Variants in SRPK1 observed in about 807,000 individuals in gnomAD.
SRPK1 encodes the protein SRSF protein kinase 1.
A neutral mutation model predicts 89.5 loss-of-function variants in SRPK1; 52 were observed. The ratio of observed to expected loss-of-function variants is 0.58; its 90% CI spans 0.46 to 0.73. The LOEUF is 0.73. Ranked by LOEUF, SRPK1 falls within the 30% of genes least tolerant of loss-of-function variation. The pLI is 0.00. For synonymous variants in SRPK1, 255 were observed against 270.2 expected, an observed-to-expected ratio of 0.94 and a Z score of 0.55; for missense variants, 603 against 780.6, an observed-to-expected ratio of 0.77 and a Z score of 2.71.
At position 35,869,603 on chromosome 6, in the gene SRPK1, G is replaced by A. The variant is rs1769986209; in HGVS notation, c.1290C>T (p.Ser430=). Reference sequence around the variant, plus strand: ...CACTGAATGACTGACCTACAGTTGAGGAAGACTGGCACACCATGGTGTCTG... The same window carrying A: ...CACTGAATGACTGACCTACAGTTGAAGAAGACTGGCACACCATGGTGTCTG... The part of the protein sequence containing the change: ...EVSDTMVCQS[S]STVGQSFSEQ... The change falls in exon 11 of 16, where the codon TCC becomes TCT. Residue 430 remains serine, a synonymous_variant. Coordinates refer to ENST00000373825, the MANE Select transcript of SRPK1 (RefSeq NM_003137.5). 6.2e-7 allele frequency: 1 copy of A among 1,613,958 alleles called. No individual in the cohort carries two copies. The highest frequency in any genetic ancestry group is 8.5e-7 in the Non-Finnish European group (1 of 1,179,878).
In SRPK1 at chr6:35,920,911, G is replaced by A. The variant is rs906294750; in HGVS notation, c.13+133C>T. 194 of 973,424 alleles carry A rather than the reference G, an allele frequency of 2.0e-4. 1 individual carries two copies. In the African/African-American group the frequency reaches 3.2e-3, roughly 16 times the overall value. 60.3% of individuals were successfully genotyped at this position (973,424 alleles called of 1,614,324 possible). ...AGCCCAGAGGCAGGGGGTGTGGGGC[G>A]GCGCCACCTCAGTGGAGGGGCGCCG... On this transcript the variant is annotated intron_variant, in intron 1 of 15. Transcript: ENST00000373825.
rs750753312 is a variant in SRPK1, at chr6:35,886,705, T to C, written c.478+19A>G. 7.0e-6 allele frequency: 10 copies of C among 1,430,792 alleles called. No individual in the cohort carries two copies. Among genetic ancestry groups the C allele is most frequent in the South Asian group, 1.2e-5 (1 of 85,874 alleles). 88.6% of individuals were successfully genotyped at this position (1,430,792 alleles called of 1,614,324 possible). ...GGGATTGGGATGATTTATTCTCAAA[T>C]AGGTTTTTAAAAGGATACGTGTTCC... On this transcript the variant is annotated intron_variant, in intron 6 of 15. Coordinates refer to ENST00000373825, the MANE Select transcript of SRPK1 (RefSeq NM_003137.5).
intron 2 of SRPK1, among the ~76,000 whole-genome samples, chr6:35,909,047 C>G (rs1205545646): frequency 6.6e-6 from 1 of 152,238 alleles, no homozygotes; most frequent in African/African-American, 2.4e-5. Flanking sequence ...AAATGTGGGG[C>G]TGGGGCCCCC....
chr6:35,904,058 C>T (rs1770797881), intron 2 of SRPK1, among the ~76,000 whole-genome samples: 1 of 152,034 alleles, frequency 6.6e-6, no homozygotes, highest in Non-Finnish European at 1.5e-5. Context: ...CCCACCTTGG[C>T]CTCCCAAAGT....
At chr6:35,886,027 T>A (rs968806698) in intron 6 of SRPK1, among the ~76,000 whole-genome samples, 5 of 151,930 alleles carry the variant, frequency 3.3e-5, no homozygotes, top group African/African-American at 1.2e-4. Context: ...GTTCATCCAG[T>A]TTCTTTCTTC....
chr6:35,836,075 GGTCT>G, intron 15 of SRPK1, among the ~76,000 whole-genome samples: 1 of 152,156 alleles, frequency 6.6e-6, no homozygotes, highest in South Asian at 2.1e-4. Flanking sequence ...ACCAGTCTGC[GGTCT>G]GTCAGGTCTG....
At chr6:35,872,536 T>C in intron 8 of SRPK1, 27 bp downstream of exon 8, 1 of 1,552,622 alleles carries the variant, frequency 6.4e-7, no homozygotes, top group Non-Finnish European at 8.7e-7. Context: ...CTTCTAATGA[T>C]AGCGAAGTCC....
chr6:35,882,160 GT>G (rs1264798995), intron 6 of SRPK1, among the ~76,000 whole-genome samples: 2 of 146,232 alleles, frequency 1.4e-5, no homozygotes, highest in African/African-American at 5.0e-5. Flanking sequence ...AGTAGTAGTA[GT>G]AGCAGCAGCA....
chr6:35,847,904 T>C (rs1270088831), intron 13 of SRPK1, among the ~76,000 whole-genome samples: 3 of 151,814 alleles, frequency 2.0e-5, no homozygotes, highest in African/African-American at 7.3e-5. Flanking sequence ...CTCGGCTTAC[T>C]GTAACCTCTG....
rs114692334 is a variant in SRPK1 at position 35,876,334 on chromosome 6, T to C, written c.479-1995A>G. On this transcript the variant is annotated intron_variant, in intron 6 of 15. Transcript: ENST00000373825. ...CTTTGGAAAACTGCTTGGCAAATTC[T>C]TAAATATAAAACCTATGACAGGTCG... is the stretch of plus-strand genomic sequence containing the variant. Among the ~76,000 whole-genome samples, 223 of 152,274 alleles carry C rather than the reference T, an allele frequency of 1.5e-3. 3 individuals carry two copies. The highest frequency in any genetic ancestry group is 5.0e-3 in the African/African-American group (207 of 41,556).
intron 6 of SRPK1, among the ~76,000 whole-genome samples, chr6:35,879,190 C>T (rs947368564): frequency 6.6e-6 from 1 of 152,122 alleles, no homozygotes; most frequent in African/African-American, 2.4e-5. Context: ...TGAGCAAAGA[C>T]CTTTCGTTTA....
intron 13 of SRPK1, among the ~76,000 whole-genome samples, chr6:35,842,870 C>T (rs1312639492): frequency 6.6e-6 from 1 of 152,118 alleles, no homozygotes; most frequent in Non-Finnish European, 1.5e-5. Context: ...CACCCTAAAC[C>T]CTAGCAATTC....
intron 2 of SRPK1, among the ~76,000 whole-genome samples, chr6:35,908,911 G>T (rs961342174): frequency 2.0e-5 from 3 of 152,246 alleles, no homozygotes; most frequent in Non-Finnish European, 2.9e-5. Flanking sequence ...CAGGTGCACA[G>T]AAGTCAATAA....
At chr6:35,846,942 A>C (rs1769439427) in intron 13 of SRPK1, among the ~76,000 whole-genome samples, 3 of 152,226 alleles carry the variant, frequency 2.0e-5, no homozygotes, top group Admixed American at 6.5e-5. Flanking sequence ...GCATGTGACA[A>C]AATTCAGCAT....
intron 14 of SRPK1, chr6:35,838,883 T>C: frequency 3.9e-6 from 5 of 1,269,898 alleles, no homozygotes; most frequent in Non-Finnish European, 5.2e-6. Context: ...GGACTAGCTG[T>C]TTAAAAGTAA....
intron 13 of SRPK1, 85 bp from the exon 14 acceptor site, chr6:35,842,689 G>T: frequency 2.6e-5 from 20 of 769,000 alleles, no homozygotes; most frequent in South Asian, 2.5e-5. Context: ...TCAATATGAA[G>T]TAACTCTTGT....
In SRPK1 at chr6:35,835,459, G is replaced by A. The variant is rs1397145732; in HGVS notation, c.1813C>T (p.Pro605Ser). ...GDLKHITKLK[P>S]WGLFEVLVEK... is the part of the protein sequence containing the mutation. ...ACTAGAACCTCAAAAAGGCCCCAAGGTTTCAGCTTCGTGATATGTTTCAGG... is the reference window on the plus strand; with the variant it reads ...ACTAGAACCTCAAAAAGGCCCCAAGATTTCAGCTTCGTGATATGTTTCAGG... The change falls in exon 16 of 16, where the codon CCT becomes TCT. Residue 605 changes from proline (P) to serine (S), a missense_variant. Transcript: ENST00000373825. 1 of 1,613,396 alleles carries A rather than the reference G, an allele frequency of 6.2e-7. No homozygotes were observed. Among genetic ancestry groups the A allele is most frequent in the East Asian group, 2.2e-5 (1 of 44,862 alleles).
chr6:35,909,764 T>C (rs1770922863), intron 2 of SRPK1, among the ~76,000 whole-genome samples: 1 of 152,170 alleles, frequency 6.6e-6, no homozygotes, highest in Non-Finnish European at 1.5e-5. Flanking sequence ...GTGTGGCACT[T>C]CCTTGCTGTT....
chr6:35,849,949 A>C (rs973615814), intron 13 of SRPK1, among the ~76,000 whole-genome samples: 2 of 152,216 alleles, frequency 1.3e-5, no homozygotes, highest in African/African-American at 4.8e-5. Context: ...AAGTGAAATA[A>C]GCCAGGGACA....
Sources: gnomAD v4.1 joint callset for allele counts (sites outside exome capture counted in the v4.1 genomes callset) on GRCh38, gnomAD v4.1.1 for gene constraint, MANE v1.5 for transcripts, NCBI Gene and HGNC (gene_info 2026-07-23, HGNC 2026-07-21) for gene names.